Variants in PPP1R1C observed in about 807,000 individuals in gnomAD.
PPP1R1C encodes protein phosphatase 1 regulatory subunit 1C.
In PPP1R1C, 15 loss-of-function variants were observed where a neutral mutation model predicts 17.4. The observed-to-expected ratio is 0.86, with a 90% CI of 0.58 to 1.33. PPP1R1C has a LOEUF of 1.33. PPP1R1C is among the 40% of genes most tolerant of loss of function. The pLI, the probability that PPP1R1C is intolerant of heterozygous loss-of-function variation, is 0.00. For missense variants in PPP1R1C, 143 were observed against 130.0 expected, an observed-to-expected ratio of 1.10 and a Z score of -0.48; for synonymous variants, 35 against 43.1, an observed-to-expected ratio of 0.81 and a Z score of 0.73.
intron 2 of PPP1R1C, among the ~76,000 whole-genome samples, chr2:182,060,948 T>C (rs1687831496): frequency 6.6e-6 from 1 of 152,108 alleles, no homozygotes; most frequent in Admixed American, 6.6e-5. Flanking sequence ...TAAGAAATAT[T>C]TGATGGAGCA....
intron 4 of PPP1R1C, among the ~76,000 whole-genome samples, chr2:182,108,814 A>T (rs1347246499): frequency 6.6e-6 from 1 of 152,180 alleles, no homozygotes; most frequent in Admixed American, 6.5e-5. Flanking sequence ...GTTATTAATA[A>T]AGCTGCTATA....
rs181496529 is a variant in PPP1R1C at position 182,101,056 on chromosome 2, G to A, written c.242-16151G>A. Among the ~76,000 whole-genome samples the A allele has an allele frequency of 1.2e-3, 185 of 152,248 alleles. 1 individual carries two copies. Among genetic ancestry groups the A allele is most frequent in the African/African-American group, 4.3e-3 (177 of 41,532 alleles). ...TGCTGAAAGAACTAAACAGTAGATCGCCATCATAAAGAACAAATTAGGAAT... is the reference window on the plus strand; with the variant it reads ...TGCTGAAAGAACTAAACAGTAGATCACCATCATAAAGAACAAATTAGGAAT... On this transcript the variant is annotated intron_variant, in intron 4 of 4. Transcript: ENST00000682840.
At chr2:182,023,350 T>A (rs1686487752) in intron 2 of PPP1R1C, among the ~76,000 whole-genome samples, 1 of 151,800 alleles carries the variant, frequency 6.6e-6, no homozygotes, top group African/African-American at 2.4e-5. Context: ...ATAGGCAAGC[T>A]AAAAGTGAAA....
rs1322527208 is a variant in PPP1R1C, at chr2:182,028,744, T to C, written c.143-32698T>C. On this transcript the variant is annotated intron_variant, in intron 2 of 4. Transcript: ENST00000682840. ...CTATTAGGTCTGCTTGGTGGAGAGC[T>C]GAGTTCAATTCCTGGGTATCCTTGT... Among the ~76,000 whole-genome samples, 4 of 145,796 alleles carry C rather than the reference T, an allele frequency of 2.7e-5. No individual in the cohort carries two copies. The East Asian group carries it at 8.2e-4, about 30-fold the overall frequency.
chr2:182,010,909 T>C (rs1686071573), intron 2 of PPP1R1C, among the ~76,000 whole-genome samples: 1 of 152,126 alleles, frequency 6.6e-6, no homozygotes, highest in African/African-American at 2.4e-5. Flanking sequence ...ATTTTATTGC[T>C]ATAATGTATC....
intron 4 of PPP1R1C, among the ~76,000 whole-genome samples, chr2:182,091,475 A>T (rs992740377): frequency 4.4e-5 from 5 of 113,742 alleles, no homozygotes; most frequent in African/African-American, 1.7e-4. Flanking sequence ...TGTTTTTCTT[A>T]AAAAAAAAAT....
chr2:182,035,944 G>C (rs186835342), intron 2 of PPP1R1C, among the ~76,000 whole-genome samples: 46 of 152,076 alleles, frequency 3.0e-4, no homozygotes, highest in Admixed American at 2.9e-3. Context: ...ATACTATAAA[G>C]ACTCATGCTA....
intron 2 of PPP1R1C, among the ~76,000 whole-genome samples, chr2:182,042,785 A>G (rs1687224222): frequency 6.6e-6 from 1 of 152,210 alleles, no homozygotes; most frequent in South Asian, 2.1e-4. Flanking sequence ...TCAAGTCATG[A>G]GACAAACAGG....
rs145408219 is a variant in PPP1R1C at position 181,960,912 on chromosome 2, C to T, written n.111+6278C>T. ...GAATTACAGAAATTCCATTGAAATG[C>T]GTTGAAATGATAGCAAACATTTTAG... On this transcript the variant is annotated intron_variant and non_coding_transcript_variant, in intron 1 of 5. Transcript: ENST00000464264. 5.9e-5 allele frequency among the ~76,000 whole-genome samples: 9 copies of T among 152,126 alleles called. No individual in the cohort carries two copies. The East Asian group carries it at 1.3e-3, about 23-fold the overall frequency.
At chr2:181,985,525 T>C (rs1331160106), upstream of PPP1R1C, among the ~76,000 whole-genome samples, 1 of 152,230 alleles carries the variant, frequency 6.6e-6, no homozygotes, top group Non-Finnish European at 1.5e-5. The surrounding 1 kb of genome is among the most constrained non-coding windows in gnomAD (Gnocchi z 4.1). Flanking sequence ...TTACCCTCCA[T>C]GGCCATTCAA....
exon 6 of PPP1R1C, chr2:182,129,253 A>T (rs965690630): frequency 6.6e-6 from 1 of 152,082 alleles, no homozygotes. Context: ...TCCTCTCTAC[A>T]ACTAAAAAAG....
intron 4 of PPP1R1C, among the ~76,000 whole-genome samples, chr2:182,116,199 A>T (rs1389850857): frequency 6.6e-6 from 1 of 152,218 alleles, no homozygotes; most frequent in Non-Finnish European, 1.5e-5. Context: ...TCAATCAATG[A>T]TTTAGACAAT....
intron 4 of PPP1R1C, among the ~76,000 whole-genome samples, chr2:182,075,484 C>T (rs1306722971): frequency 6.6e-6 from 1 of 152,036 alleles, no homozygotes; most frequent in Non-Finnish European, 1.5e-5. Context: ...GTCTAAGAAC[C>T]AATGAAAAGG....
chr2:181,962,035 G>C lies in PPP1R1C; in HGVS notation n.111+7401G>C. 2 of 726,890 alleles carry C rather than the reference G, an allele frequency of 2.8e-6. No homozygotes were observed. Among genetic ancestry groups the C allele is most frequent in the Non-Finnish European group, 5.1e-6 (2 of 392,894 alleles). The allele number at this position is 726,890 out of a possible 1,614,324, so 45.0% of individuals were successfully genotyped here. A position where few individuals can be genotyped will look rare whatever the true frequency, so the allele number is the denominator to read the frequency against. ...CATTGTCAATCTGCAAAACGATGCC[G>C]GCATTGTCCACAGTATTTGCGAAGA... On this transcript the variant is annotated intron_variant and non_coding_transcript_variant, in intron 1 of 5. Transcript: ENST00000464264. This position sits in a 1 kb window ranked among gnomAD's most constrained non-coding sequence, Gnocchi z 6.0.
chr2:182,106,532 A>C (rs1338330675), intron 4 of PPP1R1C, among the ~76,000 whole-genome samples: 1 of 152,108 alleles, frequency 6.6e-6, no homozygotes, highest in Non-Finnish European at 1.5e-5. Flanking sequence ...ACTCCATCCC[A>C]CTTCTGGCTC....
chr2:182,074,564 A>T (rs996860639), intron 4 of PPP1R1C, among the ~76,000 whole-genome samples: 2 of 152,226 alleles, frequency 1.3e-5, no homozygotes, highest in African/African-American at 4.8e-5. Flanking sequence ...AAAATATAAA[A>T]ATGTCAAGAT....
intron 1 of PPP1R1C, among the ~76,000 whole-genome samples, chr2:181,959,665 T>C (rs1048943601): frequency 6.6e-6 from 1 of 152,138 alleles, no homozygotes; most frequent in African/African-American, 2.4e-5. Context: ...AAAAGCCACA[T>C]TTTAGGTGTA....
intron 1 of PPP1R1C, among the ~76,000 whole-genome samples, chr2:181,955,904 G>A (rs985868451): frequency 1.3e-5 from 2 of 152,060 alleles, no homozygotes; most frequent in African/African-American, 4.8e-5. Flanking sequence ...CTCATTTTGT[G>A]TTACAGTTTC....
chr2:182,070,093 A>C (rs1688098634), intron 4 of PPP1R1C, among the ~76,000 whole-genome samples: 2 of 152,224 alleles, frequency 1.3e-5, no homozygotes, highest in South Asian at 4.1e-4. Flanking sequence ...ATTTAGACAA[A>C]GACATCTGGA....
Sources: allele counts gnomAD v4.1 joint callset (sites outside exome capture counted in the v4.1 genomes callset), GRCh38; gene constraint gnomAD v4.1.1; non-coding constraint Gnocchi (gnomAD v3.1); transcripts MANE v1.5; gene names NCBI Gene and HGNC (gene_info 2026-07-23, HGNC 2026-07-21).